OTOP1: variants seen among roughly 807,000 people sequenced by gnomAD.
OTOP1 encodes the protein proton channel OTOP1.
A neutral mutation model predicts 52.9 loss-of-function variants in OTOP1; 59 were observed. The observed-to-expected ratio is 1.12, with a 90% confidence interval of 0.91 to 1.39. OTOP1 has a LOEUF of 1.39. Ranked by LOEUF, OTOP1 falls within the 40% of genes most tolerant of loss-of-function variation. The pLI is 0.00. For synonymous variants in OTOP1, 317 were observed against 337.7 expected (o/e 0.94, Z 0.67); for missense variants, 761 against 800.9 (o/e 0.95, Z 0.60).
chr4:4,222,781 G>A (rs1271093898), intron 1 of OTOP1, among the ~76,000 whole-genome samples: 1 of 152,164 alleles, frequency 6.6e-6, no homozygotes, highest in East Asian at 1.9e-4. Flanking sequence ...AGTCAAACCT[G>A]TCTTTCTAGC....
intron 4 of OTOP1, among the ~76,000 whole-genome samples, chr4:4,199,947 G>A (rs977570151): frequency 6.6e-6 from 1 of 152,120 alleles, no homozygotes; most frequent in African/African-American, 2.4e-5. Flanking sequence ...GTAAAACTAA[G>A]TATTATTTCA....
Position 4,197,481 on chromosome 4 carries a change from A to C in OTOP1, c.1353T>G (p.Pro451=). 1 of 1,612,702 alleles carries C rather than the reference A, an allele frequency of 6.2e-7. No homozygotes were observed. The highest frequency in any genetic ancestry group is 8.5e-7 in the Non-Finnish European group (1 of 1,179,564). The change falls in exon 5 of 6, where the codon CCT becomes CCG. Residue 451 remains proline (P), a synonymous_variant. Transcript: ENST00000296358. The part of the protein sequence containing the change: ...LFIFESIHRE[P]EKLSEDIQTL... ...TTTGGATGTCCTCAGAGAGTTTTTCAGGCTCTCGGTGAATGGATTCAAAGA... is the reference window on the plus strand; with the variant it reads ...TTTGGATGTCCTCAGAGAGTTTTTCCGGCTCTCGGTGAATGGATTCAAAGA...
intron 5 of OTOP1, among the ~76,000 whole-genome samples, chr4:4,190,032 T>C (rs1716468586): frequency 6.6e-6 from 1 of 152,096 alleles, no homozygotes; most frequent in Non-Finnish European, 1.5e-5. Flanking sequence ...AGTTGCTGAG[T>C]ATTGGGGTGG....
intron 4 of OTOP1, among the ~76,000 whole-genome samples, chr4:4,198,626 A>T (rs1275309373): frequency 1.3e-5 from 2 of 152,156 alleles, no homozygotes; most frequent in African/African-American, 2.4e-5. Context: ...TTAATTAGCA[A>T]AAGATGTGCC....
At chr4:4,224,220 G>A (rs1186405735) in intron 1 of OTOP1, among the ~76,000 whole-genome samples, 2 of 151,588 alleles carry the variant, frequency 1.3e-5, no homozygotes, top group Non-Finnish European at 2.9e-5. Context: ...AGTTGCAGGC[G>A]CCTATAATCC....
intron 3 of OTOP1, 65 bp downstream of exon 3, chr4:4,206,007 T>C: frequency 7.3e-7 from 1 of 1,365,504 alleles, no homozygotes; most frequent in Admixed American, 1.7e-5. Context: ...ATGGCAGTGA[T>C]GAGTTTTGAA....
At chr4:4,207,725 T>A (rs376485480) in intron 2 of OTOP1, among the ~76,000 whole-genome samples, 2 of 152,104 alleles carry the variant, frequency 1.3e-5, no homozygotes, top group African/African-American at 2.4e-5. Flanking sequence ...CACTGATGGA[T>A]GAGTGGATGA....
At chr4:4,217,360 G>A (rs1717175968) in intron 1 of OTOP1, among the ~76,000 whole-genome samples, 1 of 152,180 alleles carries the variant, frequency 6.6e-6, no homozygotes, top group Admixed American at 6.5e-5. Flanking sequence ...CTTTTTCTGT[G>A]CGGCCTGGGA....
At chr4:4,221,839 C>T (rs752387183) in intron 1 of OTOP1, among the ~76,000 whole-genome samples, 84 of 152,336 alleles carry the variant, frequency 5.5e-4, no homozygotes, top group Middle Eastern at 3.4e-3. Context: ...TGGTCTCAAA[C>T]TCCTGACCCC....
chr4:4,210,711 A>C (rs1362356390), intron 2 of OTOP1, among the ~76,000 whole-genome samples: 1 of 152,158 alleles, frequency 6.6e-6, no homozygotes, highest in Non-Finnish European at 1.5e-5. Flanking sequence ...GGTGTCTGTC[A>C]TCGGAGCTAC....
chr4:4,224,545 C>A (rs571414208), intron 1 of OTOP1, among the ~76,000 whole-genome samples: 19 of 152,236 alleles, frequency 1.2e-4, no homozygotes, highest in Non-Finnish European at 2.5e-4. Flanking sequence ...TACTTTTTAG[C>A]CTGTGTAAGT....
chr4:4,213,808 G>A (rs1278758706), intron 1 of OTOP1, among the ~76,000 whole-genome samples: 24 of 152,136 alleles, frequency 1.6e-4, no homozygotes, highest in African/African-American at 5.8e-4. Context: ...AACAACAATG[G>A]GTTGGGCACA....
intron 1 of OTOP1, among the ~76,000 whole-genome samples, chr4:4,226,254 C>A (rs898639111): frequency 6.6e-6 from 1 of 151,650 alleles, no homozygotes; most frequent in East Asian, 1.9e-4. Context: ...CGTCTGGAGG[C>A]GGAGAGGAGG....
intron 1 of OTOP1, among the ~76,000 whole-genome samples, chr4:4,217,348 G>A (rs1363632354): frequency 6.6e-6 from 1 of 152,224 alleles, no homozygotes; most frequent in Non-Finnish European, 1.5e-5. Flanking sequence ...GCTGGCAACA[G>A]ACTTTTTCTG....
chr4:4,192,855 T>A (rs550643427), intron 5 of OTOP1, among the ~76,000 whole-genome samples: 5 of 152,116 alleles, frequency 3.3e-5, no homozygotes, highest in Non-Finnish European at 7.4e-5. Flanking sequence ...TCCTAGAGAC[T>A]GAAAGAACGG....
rs148247117 is a variant in OTOP1, at chr4:4,197,194, G to A, written c.1640C>T (p.Ala547Val). The A allele has an allele frequency of 3.7e-6, 6 of 1,612,308 alleles. No homozygotes were observed. In the African/African-American group the frequency reaches 5.3e-5, roughly 14 times the overall value. The change falls in exon 5 of 6, where the codon GCA becomes GTA. Residue 547 changes from alanine (A) to valine (V), a missense_variant. Physicochemically the swap from Ala to Val is moderately conservative, Grantham distance 64 (BLOSUM62 0). This residue lies in a region of OTOP1 where 632 missense variants were observed against 619.5 expected (regional missense o/e 1.02). Coordinates refer to ENST00000296358, the MANE Select transcript of OTOP1 (RefSeq NM_177998.3). The part of the protein sequence containing the change: ...NAKRKVLRNI[A>V]AFLFLCNISL... ...AATATTGCAGAGGAACAAGAAGGCTGCAATATTCCTCAGGACTTTTCTCTT... is the reference window on the plus strand; with the variant it reads ...AATATTGCAGAGGAACAAGAAGGCTACAATATTCCTCAGGACTTTTCTCTT...
Position 4,226,731 on chromosome 4 carries a change from C to CG in OTOP1, c.133dup (p.Arg45ProfsTer92). ...GACGCTGGCGCGCACACCGCCCCGC[C>CG]GGGGGGCCGGGGATTCCGGGGACCT... On this transcript the variant is annotated frameshift_variant, in exon 1 of 6. Transcript: ENST00000296358. LOFTEE classifies it high-confidence loss of function. 4 of 1,393,244 alleles carry CG rather than the reference C, an allele frequency of 2.9e-6. No individual in the cohort carries two copies. The highest frequency in any genetic ancestry group is 1.9e-6 in the Non-Finnish European group (2 of 1,071,602). The allele number at this position is 1,393,244 out of a possible 1,614,324, so 86.3% of individuals were successfully genotyped here.
chr4:4,213,365 T>C (rs1257498611), intron 1 of OTOP1, among the ~76,000 whole-genome samples: 1 of 152,158 alleles, frequency 6.6e-6, no homozygotes, highest in Admixed American at 6.5e-5. Flanking sequence ...ACACCAAAAA[T>C]GCAAGCAACA....
intron 1 of OTOP1, among the ~76,000 whole-genome samples, chr4:4,215,681 T>C (rs73209150): frequency 7.3e-6 from 1 of 137,524 alleles, no homozygotes; most frequent in Admixed American, 6.8e-5. Context: ...TATATTAATA[T>C]GAAATATAAG....
Sources: allele counts gnomAD v4.1 joint callset (sites outside exome capture counted in the v4.1 genomes callset), GRCh38; gene constraint gnomAD v4.1.1; regional missense constraint gnomAD v4.1.1; transcripts MANE v1.5; gene names NCBI Gene and HGNC (gene_info 2026-07-23, HGNC 2026-07-21).